The following PLEKHB1 variants were observed in gnomAD, a reference collection of about 807,000 sequenced individuals.
PLEKHB1 encodes pleckstrin homology domain containing B1, also known as pleckstrin homology domain-containing family B member 1.
A neutral mutation model predicts 36.2 loss-of-function variants in PLEKHB1; 29 were observed. The ratio of observed to expected loss-of-function variants is 0.80; its 90% CI spans 0.60 to 1.09. The LOEUF is 1.09. Among genes scored for constraint, PLEKHB1 ranks in the 50% least tolerant of loss-of-function variants. The pLI is 0.00. For synonymous variants in PLEKHB1, 138 were observed against 140.0 expected (o/e 0.99, Z 0.10); for missense variants, 330 against 348.2 (o/e 0.95, Z 0.42).
chr11:73,655,983 C>T (rs1243373494), intron 6 of PLEKHB1, 76 bp downstream of exon 6: 16 of 1,250,654 alleles, frequency 1.3e-5, no homozygotes, highest in Admixed American at 1.8e-5. Context: ...CCAGTCCATC[C>T]CTTCCCTGTG....
chr11:73,649,790 A>C (rs953588872), intron 2 of PLEKHB1, among the ~76,000 whole-genome samples: 1 of 152,194 alleles, frequency 6.6e-6, no homozygotes, highest in Non-Finnish European at 1.5e-5. Flanking sequence ...CAGTTCATTT[A>C]GTTCAGCAAA....
chr11:73,652,031 TG>T (rs1267563894), intron 4 of PLEKHB1, 141 bp downstream of exon 4: 2 of 703,468 alleles, frequency 2.8e-6, no homozygotes, highest in East Asian at 5.4e-5. Flanking sequence ...TGGAGGCGGG[TG>T]GAGTGGATTT....
In PLEKHB1 at chr11:73,661,612, C is replaced by G. The variant is rs1344446924; in HGVS notation, c.*10C>G. ...GCCCTGCTGGTTCTGAGCCCTGGGACTCGGAGCACTGACCCCTGCGCTTGG... is the reference window on the plus strand; with the variant it reads ...GCCCTGCTGGTTCTGAGCCCTGGGAGTCGGAGCACTGACCCCTGCGCTTGG... On this transcript the variant is annotated 3_prime_UTR_variant, in exon 8 of 8. Coordinates refer to ENST00000354190, the MANE Select transcript of PLEKHB1 (RefSeq NM_021200.3). This position sits in a 1 kb window ranked among gnomAD's most constrained non-coding sequence, Gnocchi z 4.6. 6.4e-7 allele frequency: 1 copy of G among 1,569,680 alleles called. No individual in the cohort carries two copies. The highest frequency in any genetic ancestry group is 1.4e-5 in the African/African-American group (1 of 73,738).
At chr11:73,652,788 G>T in intron 4 of PLEKHB1, 187 bp from the exon 5 acceptor site, 2 of 546,538 alleles carry the variant, frequency 3.7e-6, no homozygotes, top group Non-Finnish European at 3.3e-6. Context: ...GCCTAACTTA[G>T]TGCTCCATCC....
chr11:73,655,968 C>T (rs1944986585), intron 6 of PLEKHB1, 61 bp downstream of exon 6: 2 of 1,394,724 alleles, frequency 1.4e-6, no homozygotes, highest in Admixed American at 1.7e-5. Flanking sequence ...CCTCCAAAAC[C>T]AGGCCCAGTC....
chr11:73,647,509 A>G (rs536484498), intron 1 of PLEKHB1: 10 of 975,198 alleles, frequency 1.0e-5, no homozygotes, highest in South Asian at 9.5e-5. Flanking sequence ...GGGGTAGACT[A>G]CAAGTCCCAG....
At chr11:73,652,809 G>A in intron 4 of PLEKHB1, 166 bp from the exon 5 acceptor site, 1 of 573,794 alleles carries the variant, frequency 1.7e-6, no homozygotes, top group African/African-American at 1.9e-5. Context: ...ATGTGACTGG[G>A]GCAGGGGAGG....
At position 73,651,854 on chromosome 11, in the gene PLEKHB1, G is replaced by A. The variant is rs184116184; in HGVS notation, c.314G>A (p.Arg105His). The change falls in exon 4 of 8, where the codon CGC (arginine) becomes CAC (histidine). Residue 105 changes from arginine (R) to histidine (H), a missense_variant. Arg to His is a conservative substitution (Grantham distance 29). Coordinates refer to ENST00000354190, the MANE Select transcript of PLEKHB1 (RefSeq NM_021200.3). ...ACTGTGAACCTACGGGAAGGCGGCC[G>A]CCTGCACCTCTGTGCGGAGACCAAG... ...LLTVNLREGG[R>H]LHLCAETKDD... is the part of the protein sequence containing the mutation. 4.5e-4 allele frequency: 721 copies of A among 1,613,538 alleles called. 5 individuals carry two copies. In the South Asian group the frequency reaches 7.3e-3, roughly 16 times the overall value.
At chr11:73,653,858 G>A (rs995467880) in intron 5 of PLEKHB1, among the ~76,000 whole-genome samples, 3 of 152,248 alleles carry the variant, frequency 2.0e-5, no homozygotes, top group African/African-American at 7.2e-5. Context: ...TATGAAGGAT[G>A]TTGGTTTCTG....
At chr11:73,651,378 A>G (rs1323628962) in intron 3 of PLEKHB1, 5 of 445,080 alleles carry the variant, frequency 1.1e-5, no homozygotes, top group East Asian at 1.4e-4. Flanking sequence ...AAAGAAAAAG[A>G]AAAATCAGTC....
intron 5 of PLEKHB1, among the ~76,000 whole-genome samples, chr11:73,655,393 T>TG (rs1225929549): frequency 6.6e-6 from 1 of 152,100 alleles, no homozygotes; most frequent in Non-Finnish European, 1.5e-5. Context: ...TCACTCCAGG[T>TG]GGAGGCTCCA....
intron 6 of PLEKHB1, among the ~76,000 whole-genome samples, chr11:73,657,191 C>T (rs998927281): frequency 6.6e-6 from 1 of 152,080 alleles, no homozygotes; most frequent in South Asian, 2.1e-4. Context: ...AATCACTAAG[C>T]CTAGAAGTGC....
chr11:73,652,882 A>G, intron 4 of PLEKHB1, 93 bp from the exon 5 acceptor site: 1 of 1,099,648 alleles, frequency 9.1e-7, no homozygotes, highest in East Asian at 2.6e-5. Context: ...CTTGGGCTTG[A>G]GGCTGGGTTG....
intron 6 of PLEKHB1, 113 bp from the exon 7 acceptor site, chr11:73,660,640 A>C: frequency 2.0e-6 from 2 of 1,012,014 alleles, no homozygotes; most frequent in Non-Finnish European, 1.5e-6. Context: ...CCCATTTCTA[A>C]ACTTGGGGAG....
rs1361550666 is a variant in PLEKHB1, at chr11:73,662,775, T to G, written c.*1173T>G. 6.6e-6 allele frequency: 1 copy of G among 152,234 alleles called. No individual in the cohort carries two copies. The highest frequency in any genetic ancestry group is 1.5e-5 in the Non-Finnish European group (1 of 68,056). The allele number at this position is 152,234 out of a possible 1,614,324, so 9.4% of individuals were successfully genotyped here. On this transcript the variant is annotated 3_prime_UTR_variant, in exon 8 of 8. Coordinates refer to ENST00000354190, the MANE Select transcript of PLEKHB1 (RefSeq NM_021200.3). Reference sequence around the variant, plus strand: ...CCCCTGTAAATGGGGGCTCCATTAGTTCTGCTGCCGAGACTAATAAAGATT... The same window carrying G: ...CCCCTGTAAATGGGGGCTCCATTAGGTCTGCTGCCGAGACTAATAAAGATT...
chr11:73,648,562 C>A (rs569113508), intron 1 of PLEKHB1: 5 of 917,706 alleles, frequency 5.4e-6, no homozygotes, highest in Non-Finnish European at 6.5e-6. Flanking sequence ...ATATTCTGCA[C>A]TTCCACATTA....
Position 73,661,610 on chromosome 11 carries a change from G to A in PLEKHB1, c.*8G>A. The A allele has an allele frequency of 6.4e-7, 1 of 1,572,336 alleles. No homozygotes were observed. Among genetic ancestry groups the A allele is most frequent in the Non-Finnish European group, 8.6e-7 (1 of 1,161,188 alleles). Reference sequence around the variant, plus strand: ...TCGCCCTGCTGGTTCTGAGCCCTGGGACTCGGAGCACTGACCCCTGCGCTT... The same window carrying A: ...TCGCCCTGCTGGTTCTGAGCCCTGGAACTCGGAGCACTGACCCCTGCGCTT... On this transcript the variant is annotated 3_prime_UTR_variant, in exon 8 of 8. Transcript: ENST00000354190. The surrounding 1 kb of genome is among the most constrained non-coding windows in gnomAD (Gnocchi z 4.6).
chr11:73,662,555 A>C lies in PLEKHB1; in HGVS notation c.*953A>C, dbSNP rs576952939. ...AGGCTTTGTCTCATCCTTCATTCTG[A>C]ATAAGATGGCAGTGTTCTCCTCTGG... On this transcript the variant is annotated 3_prime_UTR_variant, in exon 8 of 8. Coordinates refer to ENST00000354190, the MANE Select transcript of PLEKHB1 (RefSeq NM_021200.3). The C allele has an allele frequency of 6.6e-6, 1 of 152,404 alleles. No homozygotes were observed. The highest frequency in any genetic ancestry group is 2.1e-4 in the South Asian group (1 of 4,820). The allele number at this position is 152,404 out of a possible 1,614,324, so 9.4% of individuals were successfully genotyped here.
At position 73,660,673 on chromosome 11, in the gene PLEKHB1, G is replaced by A. The variant is rs545137726; in HGVS notation, c.496-80G>A. On this transcript the variant is annotated intron_variant, in intron 6 of 7. Transcript: ENST00000354190. ...GAGGTGGCTCCATGGATCCCAGAGA[G>A]GCCTGTGCCAGGCGTGGGGGTAGGG... 74 of 1,334,212 alleles carry A rather than the reference G, an allele frequency of 5.5e-5. 1 individual carries two copies. The South Asian group carries it at 9.0e-4, about 16-fold the overall frequency. The allele number at this position is 1,334,212 out of a possible 1,614,324, so 82.6% of individuals were successfully genotyped here.
Sources: allele counts gnomAD v4.1 joint callset (sites outside exome capture counted in the v4.1 genomes callset), GRCh38; gene constraint gnomAD v4.1.1; non-coding constraint Gnocchi (gnomAD v3.1); transcripts MANE v1.5; gene names NCBI Gene and HGNC (gene_info 2026-07-23, HGNC 2026-07-21).